The following TSPAN7 variants were observed in gnomAD, a reference collection of about 807,000 sequenced individuals.
TSPAN7 encodes tetraspanin-7.
In TSPAN7, 1 loss-of-function variant was observed where a neutral mutation model predicts 17.6. The observed-to-expected ratio is 0.06, with a 90% CI of 0.02 to 0.27. The LOEUF (loss-of-function observed/expected upper bound fraction) is 0.27, where lower values mean the gene tolerates loss of function less well. Ranked by LOEUF, TSPAN7 falls within the 10% of genes least tolerant of loss-of-function variation. TSPAN7 has a pLI of 1.00. For missense variants in TSPAN7, 112 were observed against 201.7 expected (o/e 0.56, Z 2.69); for synonymous variants, 78 against 79.0 (o/e 0.99, Z 0.07).
intron 1 of TSPAN7, among the ~76,000 whole-genome samples, chrX:38,591,121 G>T (rs904649962): frequency 2.7e-5 from 3 of 110,792 alleles, no homozygotes; most frequent in African/African-American, 9.8e-5. Context: ...AGAAGCTGAA[G>T]TCATTGATTG....
At chrX:38,650,386 C>T (rs781749395) in intron 1 of TSPAN7, among the ~76,000 whole-genome samples, 1 of 112,745 alleles carries the variant, frequency 8.9e-6, no homozygotes, top group Admixed American at 9.3e-5. Flanking sequence ...AGCCATGGTG[C>T]CTGCTGGTCC....
At chrX:38,679,023 G>A (rs2069873278) in intron 5 of TSPAN7, among the ~76,000 whole-genome samples, 1 of 111,894 alleles carries the variant, frequency 8.9e-6, no homozygotes, top group Non-Finnish European at 1.9e-5. Context: ...TGAGGAACAA[G>A]GTTTAGAGAG....
intron 1 of TSPAN7, among the ~76,000 whole-genome samples, chrX:38,652,875 G>A (rs1478818463): frequency 1.8e-5 from 2 of 112,285 alleles, no homozygotes; most frequent in Non-Finnish European, 3.8e-5. Context: ...CAGCTCACTC[G>A]TAGGAAGCCC....
chrX:38,592,074 G>A (rs1188877539), intron 1 of TSPAN7, among the ~76,000 whole-genome samples: 1 of 111,087 alleles, frequency 9.0e-6, no homozygotes, highest in Non-Finnish European at 1.9e-5. Context: ...GAAGGGGGAA[G>A]TGCTACACAC....
intron 1 of TSPAN7, among the ~76,000 whole-genome samples, chrX:38,578,935 CAT>C (rs1372119662): frequency 1.8e-5 from 2 of 110,548 alleles, no homozygotes; most frequent in African/African-American, 6.6e-5. Flanking sequence ...TATGTACACA[CAT>C]ATACATAAAT....
At chrX:38,622,563 G>T (rs1021601619) in intron 1 of TSPAN7, among the ~76,000 whole-genome samples, 1 of 111,723 alleles carries the variant, frequency 9.0e-6, no homozygotes, top group African/African-American at 3.3e-5. Context: ...TGTATTTAAA[G>T]AAAAGAAAAA....
At chrX:38,661,456 G>A (rs2069744402) in intron 1 of TSPAN7, among the ~76,000 whole-genome samples, 1 of 112,244 alleles carries the variant, frequency 8.9e-6, no homozygotes, top group Admixed American at 9.4e-5. Flanking sequence ...TAAAATTTGA[G>A]CTGTGTTGTA....
chrX:38,596,791 G>A (rs2069321016), intron 1 of TSPAN7, among the ~76,000 whole-genome samples: 1 of 111,457 alleles, frequency 9.0e-6, no homozygotes, highest in Non-Finnish European at 1.9e-5. Context: ...TTAGGAATCA[G>A]GCCATCTAGA....
At chrX:38,669,508 C>A (rs2069806526) in intron 2 of TSPAN7, among the ~76,000 whole-genome samples, 1 of 111,784 alleles carries the variant, frequency 8.9e-6, no homozygotes, top group South Asian at 3.8e-4. Context: ...GCTCTAACCC[C>A]TACTGACCTG....
chrX:38,687,745 A>G (rs2069934595), intron 7 of TSPAN7, 71 bp downstream of exon 7: 8 of 903,912 alleles, frequency 8.9e-6, no homozygotes, highest in East Asian at 3.3e-5. Flanking sequence ...TCAAATGTGC[A>G]GGAGTACTCC....
intron 2 of TSPAN7, among the ~76,000 whole-genome samples, chrX:38,668,992 G>C (rs755431016): frequency 3.4e-4 from 38 of 110,391 alleles, no homozygotes; most frequent in Admixed American, 8.8e-4. Context: ...TGGCCAATGG[G>C]TACAAAGTCA....
intron 1 of TSPAN7, among the ~76,000 whole-genome samples, chrX:38,628,362 TG>T (rs2069533319): frequency 8.9e-6 from 1 of 112,037 alleles, no homozygotes; most frequent in African/African-American, 3.2e-5. Context: ...GTTTTTGTTT[TG>T]TTTTTTGTCT....
At chrX:38,657,775 G>A (rs1285140382) in intron 1 of TSPAN7, among the ~76,000 whole-genome samples, 1 of 112,353 alleles carries the variant, frequency 8.9e-6, no homozygotes, top group Non-Finnish European at 1.9e-5. Context: ...CATGCCTGGA[G>A]CCATTTCCTA....
intron 5 of TSPAN7, among the ~76,000 whole-genome samples, chrX:38,677,236 C>T (rs1424590250): frequency 1.8e-5 from 2 of 111,888 alleles, no homozygotes; most frequent in Non-Finnish European, 3.8e-5. Flanking sequence ...CTTTTCTTGT[C>T]TGTAAAATGC....
intron 5 of TSPAN7, among the ~76,000 whole-genome samples, chrX:38,676,890 A>G (rs548004550): frequency 2.7e-5 from 3 of 112,104 alleles, no homozygotes; most frequent in African/African-American, 6.5e-5. Context: ...TGGCTTCCTC[A>G]TGGACATCCC....
intron 1 of TSPAN7, among the ~76,000 whole-genome samples, chrX:38,595,039 G>A (rs1232820667): frequency 1.8e-5 from 2 of 110,727 alleles, no homozygotes; most frequent in Non-Finnish European, 3.8e-5. Context: ...GGACATTTAG[G>A]TTGCTTCCAA....
chrX:38,688,348 A>T lies in TSPAN7; in HGVS notation c.*417A>T, dbSNP rs73198500. The T allele has an allele frequency of 3.1e-3, 347 of 113,399 alleles. 1 individual carries two copies. The highest frequency in any genetic ancestry group is 5.0e-3 in the Non-Finnish European group (268 of 53,449). 9.3% of individuals were successfully genotyped at this position (113,399 alleles called of 1,213,427 possible). ...CTCCTGTTAGCTCCTCACTGTGGTA[A>T]ATGCCACACACCTTTAAGTAGATAA... is the stretch of plus-strand genomic sequence containing the variant. On this transcript the variant is annotated 3_prime_UTR_variant, in exon 8 of 8. Transcript: ENST00000378482.
At chrX:38,569,182 T>C (rs2147394105) in intron 1 of TSPAN7, among the ~76,000 whole-genome samples, 1 of 111,034 alleles carries the variant, frequency 9.0e-6, no homozygotes, top group South Asian at 3.9e-4. Flanking sequence ...TGTTTATCAA[T>C]TGTAATTTGG....
chrX:38,641,489 G>A (rs902585186), intron 1 of TSPAN7, among the ~76,000 whole-genome samples: 4 of 111,596 alleles, frequency 3.6e-5, no homozygotes, highest in Admixed American at 9.5e-5. Context: ...ACCCGATAGC[G>A]GAGTTCTCTC....
Sources: allele counts gnomAD v4.1 joint callset (sites outside exome capture counted in the v4.1 genomes callset), GRCh38; gene constraint gnomAD v4.1.1; transcripts MANE v1.5; gene names NCBI Gene and HGNC (gene_info 2026-07-23, HGNC 2026-07-21).